The following MBNL2 variants were observed in gnomAD, a reference collection of about 807,000 sequenced individuals.
MBNL2 encodes the protein muscleblind-like protein 2.
A neutral mutation model predicts 41.9 loss-of-function variants in MBNL2; 17 were observed. The observed-to-expected ratio is 0.41, with a 90% confidence interval of 0.28 to 0.61. The LOEUF (loss-of-function observed/expected upper bound fraction) is 0.61. Ranked by LOEUF, MBNL2 falls within the 20% of genes least tolerant of loss-of-function variation. The probability of loss-of-function intolerance (pLI) is 0.35; values close to 1 mark genes in which losing one functional copy is unlikely to be tolerated. For synonymous variants in MBNL2, 195 were observed against 182.9 expected (o/e 1.07, Z -0.53); for missense variants, 336 against 505.6 (o/e 0.66, Z 3.22).
At chr13:97,261,934 G>A (rs771402421) in intron 1 of MBNL2, among the ~76,000 whole-genome samples, 4 of 152,134 alleles carry the variant, frequency 2.6e-5, no homozygotes, top group Non-Finnish European at 4.4e-5. Context: ...GCCAGTGGCC[G>A]CACGCTGGCC....
At chr13:97,285,911 C>T (rs2054335744) in intron 2 of MBNL2, among the ~76,000 whole-genome samples, 1 of 152,164 alleles carries the variant, frequency 6.6e-6, no homozygotes, top group Admixed American at 6.5e-5. Flanking sequence ...ACTGGACTCT[C>T]TCCAGACTTA....
chr13:97,208,842 T>G, the MBNL2 span, among the ~76,000 whole-genome samples: 1 of 152,234 alleles, frequency 6.6e-6, no homozygotes, highest in South Asian at 2.1e-4. Flanking sequence ...TTCAAGAATG[T>G]GGACTGTAGA....
At chr13:97,238,668 T>C (rs1028045736) in intron 1 of MBNL2, among the ~76,000 whole-genome samples, 4 of 151,892 alleles carry the variant, frequency 2.6e-5, no homozygotes, top group African/African-American at 9.7e-5. Flanking sequence ...AAGTGGAAAG[T>C]GAAAACGATT....
the MBNL2 span, among the ~76,000 whole-genome samples, chr13:97,163,750 C>G: frequency 6.6e-6 from 1 of 152,118 alleles, no homozygotes; most frequent in Non-Finnish European, 1.5e-5. Context: ...CAACCACCCC[C>G]TATCCTCAGG....
At chr13:97,384,473 G>A (rs1168649911) in intron 8 of MBNL2, among the ~76,000 whole-genome samples, 1 of 152,176 alleles carries the variant, frequency 6.6e-6, no homozygotes, top group African/African-American at 2.4e-5. Context: ...GGCAAGATCA[G>A]GGCATTTCAG....
chr13:97,301,634 C>A (rs2057629250), intron 2 of MBNL2, among the ~76,000 whole-genome samples: 1 of 152,158 alleles, frequency 6.6e-6, no homozygotes, highest in Admixed American at 6.5e-5. Flanking sequence ...GAGTTACTTG[C>A]AGGAAGTGCT....
chr13:97,281,270 C>A (rs375464142), intron 2 of MBNL2, among the ~76,000 whole-genome samples: 1 of 152,180 alleles, frequency 6.6e-6, no homozygotes, highest in Non-Finnish European at 1.5e-5. Flanking sequence ...GATTGACACC[C>A]CCTGGAGTTG....
chr13:97,204,632 C>A, the MBNL2 span, among the ~76,000 whole-genome samples: 1 of 152,010 alleles, frequency 6.6e-6, no homozygotes, highest in African/African-American at 2.4e-5. Context: ...TGAAAAAATT[C>A]TTAATTATGT....
intron 2 of MBNL2, among the ~76,000 whole-genome samples, chr13:97,332,040 CAATAT>C (rs2060478211): frequency 1.3e-5 from 2 of 152,146 alleles, no homozygotes; most frequent in African/African-American, 4.8e-5. Flanking sequence ...TGAGTGAATA[CAATAT>C]AACAGCCATA....
chr13:97,209,001 TTTTATATCCAACAGAGTTC>T, the MBNL2 span, among the ~76,000 whole-genome samples: 1 of 152,190 alleles, frequency 6.6e-6, no homozygotes, highest in East Asian at 1.9e-4. Context: ...TGTGAGTGGT[TTTTATATCCAACAGAGTTC>T]TTAAATGCGG....
the MBNL2 span, among the ~76,000 whole-genome samples, chr13:97,205,565 T>TA: frequency 1.3e-5 from 2 of 152,178 alleles, no homozygotes; most frequent in East Asian, 3.8e-4. Context: ...GAGTATCCTT[T>TA]TAAAAGACTC....
At chr13:97,240,281 CACAG>C (rs1005800689) in intron 1 of MBNL2, among the ~76,000 whole-genome samples, 2 of 152,184 alleles carry the variant, frequency 1.3e-5, no homozygotes, top group African/African-American at 4.8e-5. Flanking sequence ...CTGGCTCTGC[CACAG>C]ACTAGCTGCA....
rs147103026 is a variant in MBNL2 at position 97,357,605 on chromosome 13, T to C, written c.982T>C (p.Leu328=). 595 of 1,613,386 alleles carry C rather than the reference T, an allele frequency of 3.7e-4. No homozygotes were observed. Among genetic ancestry groups the C allele is most frequent in the Non-Finnish European group, 4.1e-4 (483 of 1,179,642 alleles). The change falls in exon 7 of 9, where the codon TTG becomes CTG. Residue 328 remains leucine, a synonymous_variant. Transcript: ENST00000679496. The part of the protein sequence containing the change: ...HYQQALTSAQ[L]QQHAAFIPTG... ...CCAGCAGGCTCTCACCAGCGCACAG[T>C]TGCAGCAACACGCCGCGTTCATTCC...
intron 8 of MBNL2, among the ~76,000 whole-genome samples, chr13:97,389,848 C>T (rs1159069987): frequency 6.6e-6 from 1 of 151,774 alleles, no homozygotes; most frequent in African/African-American, 2.4e-5. Context: ...ATTTGGAAAA[C>T]TTACAGATAG....
chr13:97,196,747 A>T, the MBNL2 span, among the ~76,000 whole-genome samples: 2 of 152,168 alleles, frequency 1.3e-5, no homozygotes, highest in African/African-American at 2.4e-5. Flanking sequence ...TGAAGGAGAG[A>T]CAAAGAATAA....
At chr13:97,145,629 T>C in the MBNL2 span, among the ~76,000 whole-genome samples, 8 of 152,244 alleles carry the variant, frequency 5.3e-5, no homozygotes, top group African/African-American at 1.7e-4. Flanking sequence ...CCTCAAGCTA[T>C]ATATTTGAAG....
intron 1 of MBNL2, among the ~76,000 whole-genome samples, chr13:97,222,927 A>G (rs563805091): frequency 6.6e-6 from 1 of 151,960 alleles, no homozygotes; most frequent in African/African-American, 2.4e-5. Flanking sequence ...ATTAAGGATT[A>G]AAAAAAAATT....
the MBNL2 span, among the ~76,000 whole-genome samples, chr13:97,190,741 G>A: frequency 6.6e-6 from 1 of 152,204 alleles, no homozygotes; most frequent in African/African-American, 2.4e-5. Context: ...TGTGAGGGAT[G>A]ACTCCGGTCA....
chr13:97,343,324 AACAC>A, intron 4 of MBNL2, 108 bp downstream of exon 4: 1 of 808,782 alleles, frequency 1.2e-6, no homozygotes, highest in Non-Finnish European at 2.0e-6. Flanking sequence ...CAGCCATGTA[AACAC>A]ACACACACAA....
Sources: gnomAD v4.1 joint callset for allele counts (sites outside exome capture counted in the v4.1 genomes callset) on GRCh38, gnomAD v4.1.1 for gene constraint, MANE v1.5 for transcripts, NCBI Gene and HGNC (gene_info 2026-07-23, HGNC 2026-07-21) for gene names.